Variants in UNC79 observed in about 807,000 individuals in gnomAD.
The protein encoded by UNC79 is protein unc-79 homolog.
Under a neutral mutation model 283.1 loss-of-function variants are expected in UNC79, and 37 were observed. The ratio of observed to expected loss-of-function variants is 0.13; its 90% confidence interval spans 0.10 to 0.17. The LOEUF (loss-of-function observed/expected upper bound fraction) is 0.17. Among genes scored for constraint, UNC79 ranks in the 10% least tolerant of loss-of-function variants. The pLI, the probability that UNC79 is intolerant of heterozygous loss-of-function variation, is 1.00. For missense variants in UNC79, 2,272 were observed against 3,211.1 expected (o/e 0.71, Z 7.07); for synonymous variants, 1,107 against 1,200.2 (o/e 0.92, Z 1.61).
intron 31 of UNC79, among the ~76,000 whole-genome samples, chr14:93,635,194 A>G (rs1035151617): frequency 6.6e-6 from 1 of 152,190 alleles, no homozygotes; most frequent in Non-Finnish European, 1.5e-5. Context: ...GACTGCCATG[A>G]CATGTCTATT....
intron 1 of UNC79, among the ~76,000 whole-genome samples, chr14:93,463,427 C>T (rs1199689206): frequency 2.0e-5 from 3 of 152,100 alleles, no homozygotes; most frequent in Non-Finnish European, 4.4e-5. Flanking sequence ...AGAGGACTGT[C>T]GCTGGAGGGG....
At chr14:93,447,947 C>T (rs566567390) in intron 1 of UNC79, among the ~76,000 whole-genome samples, 3 of 152,230 alleles carry the variant, frequency 2.0e-5, no homozygotes, top group South Asian at 2.1e-4. Flanking sequence ...CTGAGTGTCA[C>T]GTGGGCTTCT....
At chr14:93,366,571 C>CTT (rs370391512) in intron 1 of UNC79, among the ~76,000 whole-genome samples, 2 of 139,666 alleles carry the variant, frequency 1.4e-5, no homozygotes, top group East Asian at 2.1e-4. Flanking sequence ...TTTTTTTATT[C>CTT]TTTTTTTTTT....
chr14:93,631,598 G>A (rs1201469894), intron 31 of UNC79, among the ~76,000 whole-genome samples: 1 of 152,174 alleles, frequency 6.6e-6, no homozygotes, highest in Non-Finnish European at 1.5e-5. Context: ...GAACATAGAT[G>A]CAATTTCTAT....
chr14:93,603,218 T>G lies in UNC79; in HGVS notation c.3575-21T>G, dbSNP rs751898220. 8.1e-6 allele frequency: 13 copies of G among 1,612,436 alleles called. No individual in the cohort carries two copies. In the Admixed American group the frequency reaches 2.0e-4, roughly 25 times the overall value. ...CCCTGTGTAAAGGAGAGTGATAGTCTCTTTAATTCCTTTTGCAAAGCCATC... is the reference window on the plus strand; with the variant it reads ...CCCTGTGTAAAGGAGAGTGATAGTCGCTTTAATTCCTTTTGCAAAGCCATC... On this transcript the variant is annotated intron_variant, in intron 25 of 48. Transcript: ENST00000555664.
rs1224152412 is a variant in UNC79, at chr14:93,593,551, G to C, written c.3033-129G>C. ...CAGAGGATTATCCTCTCGTGGATGA[G>C]TGTCATTTCACCAAAAGCACCCCTA... On this transcript the variant is annotated intron_variant, in intron 22 of 48. Coordinates refer to ENST00000555664, the Ensembl canonical transcript of UNC79. 3 of 1,036,322 alleles carry C rather than the reference G, an allele frequency of 2.9e-6. No homozygotes were observed. The African/African-American group carries it at 4.8e-5, about 17-fold the overall frequency. 64.2% of individuals were successfully genotyped at this position (1,036,322 alleles called of 1,614,324 possible). A position where few individuals can be genotyped will look rare whatever the true frequency, so the allele number is the denominator to read the frequency against.
intron 1 of UNC79, among the ~76,000 whole-genome samples, chr14:93,406,095 G>T (rs1361640341): frequency 6.6e-6 from 1 of 152,152 alleles, no homozygotes; most frequent in Non-Finnish European, 1.5e-5. Context: ...CAAAGAAGGA[G>T]ATCCATTCAG....
chr14:93,361,232 A>AAAAG (rs2054217715), intron 1 of UNC79, among the ~76,000 whole-genome samples: 1 of 63,374 alleles, frequency 1.6e-5, no homozygotes, highest in South Asian at 4.7e-4. Flanking sequence ...AAAAAAAAAA[A>AAAAG]AAAAGAAAAG....
At chr14:93,402,533 C>T (rs2055132421) in intron 1 of UNC79, among the ~76,000 whole-genome samples, 2 of 151,556 alleles carry the variant, frequency 1.3e-5, no homozygotes, top group Admixed American at 6.6e-5. Context: ...AATATATACA[C>T]CATTGAAATG....
At chr14:93,608,207 A>G (rs181016183) in intron 26 of UNC79, among the ~76,000 whole-genome samples, 43 of 152,338 alleles carry the variant, frequency 2.8e-4, no homozygotes, top group Admixed American at 1.4e-3. Context: ...TACGAAGAAT[A>G]CAAAGATGCT....
chr14:93,660,391 C>G (rs2071409376), intron 39 of UNC79, among the ~76,000 whole-genome samples: 1 of 151,578 alleles, frequency 6.6e-6, no homozygotes, highest in Non-Finnish European at 1.5e-5. Flanking sequence ...TGCTGCTCTT[C>G]TAAATATAAG....
intron 1 of UNC79, among the ~76,000 whole-genome samples, chr14:93,374,023 A>C (rs984813142): frequency 6.6e-6 from 1 of 152,160 alleles, no homozygotes; most frequent in African/African-American, 2.4e-5. Flanking sequence ...CCCAGATTTC[A>C]AAAGATGTCA....
chr14:93,607,855 C>A (rs2065995082), intron 26 of UNC79, among the ~76,000 whole-genome samples: 1 of 152,164 alleles, frequency 6.6e-6, no homozygotes, highest in Non-Finnish European at 1.5e-5. Flanking sequence ...TTCCAAATAG[C>A]TTTTCTTTGG....
chr14:93,410,447 G>A (rs928142869), intron 1 of UNC79, among the ~76,000 whole-genome samples: 1 of 152,134 alleles, frequency 6.6e-6, no homozygotes, highest in Admixed American at 6.5e-5. Context: ...GTGGACTTGG[G>A]GGACATGCCA....
At chr14:93,631,462 C>T (rs2068031856) in intron 31 of UNC79, among the ~76,000 whole-genome samples, 2 of 152,108 alleles carry the variant, frequency 1.3e-5, no homozygotes, top group Non-Finnish European at 1.5e-5. Flanking sequence ...GCTTCTGTTA[C>T]TGGGTCCTAG....
At chr14:93,538,170 G>T (rs1419540000) in exon 12 of UNC79, 1 of 1,613,208 alleles carries the variant, frequency 6.2e-7, no homozygotes. Context: ...ATCAACACGC[G>T]GGAATGCGGC....
chr14:93,700,789 T>C (rs1365825529), intron 47 of UNC79, among the ~76,000 whole-genome samples: 1 of 152,202 alleles, frequency 6.6e-6, no homozygotes, highest in Non-Finnish European at 1.5e-5. Flanking sequence ...TCCTTATCAG[T>C]ACTCTCATGA....
Position 93,454,138 on chromosome 14 carries a change from G to C in UNC79, c.23-13533G>C, listed in dbSNP as rs538435226. ...ATGGCTCACAGCATCAATCTTCTGGGCTCAAACCACCCTCCCACCTCAGTC... is the reference window on the plus strand; with the variant it reads ...ATGGCTCACAGCATCAATCTTCTGGCCTCAAACCACCCTCCCACCTCAGTC... On this transcript the variant is annotated intron_variant, in intron 1 of 48. Coordinates refer to ENST00000555664, the Ensembl canonical transcript of UNC79. Among the ~76,000 whole-genome samples the C allele has an allele frequency of 1.7e-4, 26 of 151,638 alleles. No individual in the cohort carries two copies. In the East Asian group the frequency reaches 4.7e-3, roughly 27 times the overall value.
intron 1 of UNC79, among the ~76,000 whole-genome samples, chr14:93,409,248 TTC>T (rs1265691019): frequency 6.6e-6 from 1 of 152,206 alleles, no homozygotes; most frequent in Non-Finnish European, 1.5e-5. Flanking sequence ...AAAATCAATA[TTC>T]TTTCTGTATC....
Sources: gnomAD v4.1 joint callset for allele counts (sites outside exome capture counted in the v4.1 genomes callset) on GRCh38, gnomAD v4.1.1 for gene constraint, MANE v1.5 for transcripts, NCBI Gene and HGNC (gene_info 2026-07-23, HGNC 2026-07-21) for gene names.